The following DRC11 variants were observed in gnomAD, a reference collection of about 807,000 sequenced individuals.
The protein encoded by DRC11 is IQ and AAA domain-containing protein 1.
At chr2:236,331,865 G>A in the DRC11 span, 7 of 439,834 alleles carry the variant, frequency 1.6e-5, no homozygotes, top group South Asian at 3.3e-5. The surrounding 1 kb of genome is among the most constrained non-coding windows in gnomAD (Gnocchi z 4.8). Flanking sequence ...CAAAACCACC[G>A]TCAGTATAGT....
chr2:236,364,963 C>T, the DRC11 span, among the ~76,000 whole-genome samples: 12 of 152,130 alleles, frequency 7.9e-5, no homozygotes, highest in Admixed American at 4.6e-4. Flanking sequence ...CTCTTTACCA[C>T]GTAACTCAAT....
At chr2:236,380,871 T>A in the DRC11 span, among the ~76,000 whole-genome samples, 2 of 152,184 alleles carry the variant, frequency 1.3e-5, no homozygotes, top group African/African-American at 4.8e-5. The surrounding 1 kb of genome is among the most constrained non-coding windows in gnomAD (Gnocchi z 4.9). Context: ...ACTGTGGAAC[T>A]TGCACAGGGC....
chr2:236,358,101 AATAT>A, the DRC11 span, among the ~76,000 whole-genome samples: 1,964 of 121,154 alleles, frequency 0.016, 27 homozygotes, highest in South Asian at 0.034. Flanking sequence ...ATACCATATG[AATAT>A]ATATTATACA....
the DRC11 span, among the ~76,000 whole-genome samples, chr2:236,335,134 C>G: frequency 6.6e-6 from 1 of 152,180 alleles, no homozygotes; most frequent in African/African-American, 2.4e-5. The surrounding 1 kb of genome is among the most constrained non-coding windows in gnomAD (Gnocchi z 5.6). Context: ...AGTGGGGCCG[C>G]GGGGACTGCT....
chr2:236,381,766 T>C, the DRC11 span, among the ~76,000 whole-genome samples: 1 of 152,256 alleles, frequency 6.6e-6, no homozygotes, highest in Admixed American at 6.5e-5. The surrounding 1 kb of genome is among the most constrained non-coding windows in gnomAD (Gnocchi z 5.8). Context: ...TCTCTTTATG[T>C]CTTTCACTTG....
chr2:236,422,464 G>A, the DRC11 span, among the ~76,000 whole-genome samples: 7 of 152,262 alleles, frequency 4.6e-5, no homozygotes, highest in East Asian at 3.9e-4. Context: ...GCTTCAAAGA[G>A]AATAAAATAT....
chr2:236,405,898 T>C, the DRC11 span, among the ~76,000 whole-genome samples: 1 of 152,144 alleles, frequency 6.6e-6, no homozygotes, highest in East Asian at 1.9e-4. This position sits in a 1 kb window ranked among gnomAD's most constrained non-coding sequence, Gnocchi z 4.6. Context: ...CTGCGAAGAA[T>C]GGTGCACAAT....
chr2:236,416,763 A>ATATATATATATATG, the DRC11 span, among the ~76,000 whole-genome samples: 1 of 98,434 alleles, frequency 1.0e-5, no homozygotes, highest in African/African-American at 3.8e-5. Flanking sequence ...ATATATATAT[A>ATATATATATATATG]TATATAAATA....
chr2:236,442,454 C>T, the DRC11 span, among the ~76,000 whole-genome samples: 5 of 152,188 alleles, frequency 3.3e-5, no homozygotes, highest in Non-Finnish European at 7.3e-5. Flanking sequence ...TGTGAATATT[C>T]TGCTTTGATA....
chr2:236,448,791 G>C, the DRC11 span, among the ~76,000 whole-genome samples: 1 of 148,602 alleles, frequency 6.7e-6, no homozygotes, highest in East Asian at 1.9e-4. The surrounding 1 kb of genome is among the most constrained non-coding windows in gnomAD (Gnocchi z 5.3). Flanking sequence ...GTTGTAAGTG[G>C]GGGAGCCATG....
At chr2:236,507,383 G>A in the DRC11 span, 1 of 1,063,834 alleles carries the variant, frequency 9.4e-7, no homozygotes, top group Non-Finnish European at 1.5e-6. Flanking sequence ...TTTGGGTGGG[G>A]GGTCTTCTGG....
At chr2:236,421,484 C>A in the DRC11 span, among the ~76,000 whole-genome samples, 2 of 152,148 alleles carry the variant, frequency 1.3e-5, no homozygotes, top group Admixed American at 1.3e-4. Context: ...TTCCTCGATA[C>A]ATACACCCTC....
the DRC11 span, among the ~76,000 whole-genome samples, chr2:236,393,609 T>TCCTTTC: frequency 6.6e-6 from 1 of 151,992 alleles, no homozygotes; most frequent in Non-Finnish European, 1.5e-5. This position sits in a 1 kb window ranked among gnomAD's most constrained non-coding sequence, Gnocchi z 4.7. Context: ...AGGGGTTGAG[T>TCCTTTC]CTCTGAACAA....
chr2:236,356,877 A>G, the DRC11 span, among the ~76,000 whole-genome samples: 1 of 143,066 alleles, frequency 7.0e-6, no homozygotes, highest in Non-Finnish European at 1.5e-5. Flanking sequence ...TATTTATCAA[A>G]TATTTATACT....
chr2:236,327,398 CCAT>C, the DRC11 span, among the ~76,000 whole-genome samples: 1 of 151,704 alleles, frequency 6.6e-6, no homozygotes, highest in African/African-American at 2.4e-5. Context: ...ACGTGCACCA[CCAT>C]ACCTGGCTAA....
the DRC11 span, among the ~76,000 whole-genome samples, chr2:236,386,705 CT>C: frequency 6.7e-6 from 1 of 149,850 alleles, no homozygotes; most frequent in African/African-American, 2.4e-5. Flanking sequence ...CTTCTGCTAG[CT>C]TTTGAATGTG....
the DRC11 span, among the ~76,000 whole-genome samples, chr2:236,313,442 A>G: frequency 6.6e-6 from 1 of 152,246 alleles, no homozygotes; most frequent in South Asian, 2.1e-4. The surrounding 1 kb of genome is among the most constrained non-coding windows in gnomAD (Gnocchi z 4.5). Flanking sequence ...TGGATCATTC[A>G]TACATTGCAG....
At chr2:236,437,009 T>C in the DRC11 span, among the ~76,000 whole-genome samples, 1 of 151,840 alleles carries the variant, frequency 6.6e-6, no homozygotes, top group South Asian at 2.1e-4. Context: ...GTTACATATG[T>C]ATACATGTGC....
the DRC11 span, among the ~76,000 whole-genome samples, chr2:236,334,041 C>T: frequency 6.6e-6 from 1 of 152,184 alleles, no homozygotes; most frequent in South Asian, 2.1e-4. The surrounding 1 kb of genome is among the most constrained non-coding windows in gnomAD (Gnocchi z 7.8). Flanking sequence ...TCATTGGTTA[C>T]TCTCCATAGA....
Sources: gnomAD v4.1 joint callset for allele counts (sites outside exome capture counted in the v4.1 genomes callset) on GRCh38, gnomAD v4.1.1 for gene constraint, Gnocchi (gnomAD v3.1) non-coding constraint, MANE v1.5 for transcripts, NCBI Gene and HGNC (gene_info 2026-07-23, HGNC 2026-07-21) for gene names.